Variants in KDM5A observed in about 807,000 individuals in gnomAD.
The protein encoded by KDM5A is lysine-specific demethylase 5A.
KDM5A carries 42 observed loss-of-function variants against 193.5 expected under a neutral mutation model. The observed-to-expected ratio is 0.22, with a 90% confidence interval of 0.17 to 0.28. The LOEUF (loss-of-function observed/expected upper bound fraction) is 0.28, where lower values mean the gene tolerates loss of function less well. KDM5A is among the 10% of genes least tolerant of loss of function. The pLI is 1.00. For missense variants in KDM5A, 1,692 were observed against 2,055.1 expected, an observed-to-expected ratio of 0.82 and a Z score of 3.42; for synonymous variants, 796 against 718.1, an observed-to-expected ratio of 1.11 and a Z score of -1.73.
chr12:304,971 T>TA lies in KDM5A; in HGVS notation c.4074+1974dup, dbSNP rs146313461. Among the ~76,000 whole-genome samples, 1,074 of 152,276 alleles carry TA rather than the reference T, an allele frequency of 7.1e-3. 17 individuals are homozygous for TA. The highest frequency in any genetic ancestry group is 0.025 in the African/African-American group (1,046 of 41,532). On this transcript the variant is annotated intron_variant, in intron 24 of 27. Transcript: ENST00000399788. ...GGTTGCATTTCTTTTCAGCTGCTCT[T>TA]AGTCACCCTATATACAACTTCGTAA... is the stretch of plus-strand genomic sequence containing the variant.
At chr12:364,323 T>C (rs1042260175) in intron 4 of KDM5A, among the ~76,000 whole-genome samples, 1 of 151,634 alleles carries the variant, frequency 6.6e-6, no homozygotes, top group African/African-American at 2.4e-5. Context: ...AATACAAAAA[T>C]TAGCTGGGGG....
At position 292,879 on chromosome 12, in the gene KDM5A, C is replaced by A; in HGVS notation, c.4746G>T (p.Lys1582Asn). Residue 1582 changes from lysine to asparagine, a missense_variant, in exon 27 of 28, where the codon AAG (lysine) becomes AAT (asparagine). Coordinates refer to ENST00000399788, the MANE Select transcript of KDM5A (RefSeq NM_001042603.3). The part of the protein sequence containing the change: ...KVELVKESTE[K>N]KREKKVLDIP... ...TGTCCAGCACCTTTTTCTCTCTTTT[C>A]TTTTCAGTGCTCTCTTTCACAAGTT... 6.2e-7 allele frequency: 1 copy of A among 1,614,198 alleles called. No individual in the cohort carries two copies. The highest frequency in any genetic ancestry group is 8.5e-7 in the Non-Finnish European group (1 of 1,180,022).
At chr12:326,274 T>C (rs926340126) in intron 14 of KDM5A, among the ~76,000 whole-genome samples, 2 of 152,140 alleles carry the variant, frequency 1.3e-5, no homozygotes, top group African/African-American at 4.8e-5. Flanking sequence ...CTGTGTGTAA[T>C]GTAATAGGAG....
rs374119113 is a variant in KDM5A, at chr12:292,795, G to A, written c.4830C>T (p.Cys1610=). The change falls in exon 27 of 28, where the codon TGC becomes TGT. Residue 1610 remains cysteine, a synonymous_variant. Coordinates refer to ENST00000399788, the MANE Select transcript of KDM5A (RefSeq NM_001042603.3). ...AEESDDENAV[C]AAQNCQRPCK... is the part of the protein sequence containing the mutation. ...AGGGCCTTTGGCAGTTCTGTGCTGCGCACACAGCATTCTCATCATCAGACT... is the reference window on the plus strand; with the variant it reads ...AGGGCCTTTGGCAGTTCTGTGCTGCACACACAGCATTCTCATCATCAGACT... The A allele has an allele frequency of 3.0e-5, 48 of 1,614,040 alleles. No individual in the cohort carries two copies. The highest frequency in any genetic ancestry group is 2.0e-4 in the East Asian group (9 of 44,886).
rs1565524504 is a variant in KDM5A, at chr12:295,709, C to G, written c.4319G>C (p.Gly1440Ala). 1 of 1,614,120 alleles carries G rather than the reference C, an allele frequency of 6.2e-7. No individual in the cohort carries two copies. The highest frequency in any genetic ancestry group is 8.5e-7 in the Non-Finnish European group (1 of 1,180,002). The change falls in exon 26 of 28, where the codon GGA becomes GCA. Residue 1440 changes from glycine to alanine, a missense_variant. By Grantham distance (60) the Gly-to-Ala change is moderately conservative. Around this residue, in one of 11 missense-constraint regions of KDM5A, gnomAD observed 965 missense variants for 1,061.0 expected, o/e 0.91. Transcript: ENST00000399788. ...AAGTTCTTCCAGTTGTGCCTTAGCT[C>G]CAGGTGACAACTCCAGCACTGGAGG... ...LEPPVLELSPGAKAQLEELMM... is the reference protein window; with the variant it reads ...LEPPVLELSPAAKAQLEELMM...
chr12:306,698 G>A (rs577481959), intron 24 of KDM5A, among the ~76,000 whole-genome samples: 5 of 150,328 alleles, frequency 3.3e-5, no homozygotes, highest in South Asian at 4.2e-4. Flanking sequence ...AACAGAGATC[G>A]CGCCATTGCA....
intron 10 of KDM5A, among the ~76,000 whole-genome samples, chr12:345,663 AC>A (rs1364208067): frequency 6.6e-6 from 1 of 152,250 alleles, no homozygotes; most frequent in African/African-American, 2.4e-5. Flanking sequence ...CTCCTGAATG[AC>A]TACTGGGTAA....
At position 322,351 on chromosome 12, in the gene KDM5A, A is replaced by C. The variant is rs77928788; in HGVS notation, c.2426+66T>G. On this transcript the variant is annotated intron_variant, in intron 17 of 27. Coordinates refer to ENST00000399788, the MANE Select transcript of KDM5A (RefSeq NM_001042603.3). Reference sequence around the variant, plus strand: ...AATGTACGGCTTCACAGGCCGGATAAAATTTTGGTTTTTACTCTGAAAGAA... The same window carrying C: ...AATGTACGGCTTCACAGGCCGGATACAATTTTGGTTTTTACTCTGAAAGAA... The C allele has an allele frequency of 9.2e-3, 13,964 of 1,511,200 alleles. 710 individuals are homozygous for C. In the African/African-American group the frequency reaches 0.13, roughly 14 times the overall value. The allele number at this position is 1,511,200 out of a possible 1,614,324, so 93.6% of individuals were successfully genotyped here.
chr12:348,818 T>C (rs952072573), intron 10 of KDM5A, among the ~76,000 whole-genome samples: 3 of 151,528 alleles, frequency 2.0e-5, no homozygotes, highest in African/African-American at 7.3e-5. Context: ...GTAAATGAGC[T>C]GATGGGTGCA....
chr12:386,683 T>C (rs751309086), intron 1 of KDM5A, among the ~76,000 whole-genome samples: 17 of 152,112 alleles, frequency 1.1e-4, no homozygotes, highest in Non-Finnish European at 1.6e-4. Context: ...CCTATCTCTA[T>C]AAAAGAAAAA....
intron 4 of KDM5A, among the ~76,000 whole-genome samples, chr12:363,888 T>C (rs1277417105): frequency 6.6e-6 from 1 of 151,972 alleles, no homozygotes; most frequent in Non-Finnish European, 1.5e-5. Flanking sequence ...GTATAACAAA[T>C]TCACAAGTAT....
chr12:371,275 CTGT>C (rs1944424458), intron 3 of KDM5A, among the ~76,000 whole-genome samples: 1 of 152,190 alleles, frequency 6.6e-6, no homozygotes, highest in Admixed American at 6.5e-5. Flanking sequence ...TCTCCAGCAC[CTGT>C]TGTTTCCTGA....
intron 19 of KDM5A, among the ~76,000 whole-genome samples, chr12:313,611 T>C (rs1224888398): frequency 6.6e-6 from 1 of 152,160 alleles, no homozygotes; most frequent in African/African-American, 2.4e-5. Flanking sequence ...GATAGCAATA[T>C]AGAAAACAAT....
At chr12:381,762 C>T (rs1944575689) in intron 3 of KDM5A, among the ~76,000 whole-genome samples, 1 of 152,122 alleles carries the variant, frequency 6.6e-6, no homozygotes, top group South Asian at 2.1e-4. Context: ...AGAATTTTGA[C>T]CTGACACTAA....
At chr12:338,794 G>C (rs1242365237) in intron 10 of KDM5A, among the ~76,000 whole-genome samples, 2 of 152,064 alleles carry the variant, frequency 1.3e-5, no homozygotes, top group East Asian at 3.9e-4. Context: ...GGAACAAGGA[G>C]GACAAGCAGA....
Position 307,673 on chromosome 12 carries a change from G to A in KDM5A, c.3711C>T (p.Pro1237=), listed in dbSNP as rs61750262. 9.9e-6 allele frequency: 16 copies of A among 1,614,020 alleles called. 1 individual carries two copies. The highest frequency in any genetic ancestry group is 1.6e-4 in the Middle Eastern group (1 of 6,084). The change falls in exon 23 of 28, where the codon CCC becomes CCT. Residue 1237 remains proline, a synonymous_variant. Coordinates refer to ENST00000399788, the MANE Select transcript of KDM5A (RefSeq NM_001042603.3). This position sits in a 1 kb window ranked among gnomAD's most constrained non-coding sequence, Gnocchi z 4.3. ...LSLLVSLQKL[P]VRLPEGEALQ... ...GGGCCTCTCCTTCAGGCAACCGTACGGGCAACTTCTGAAGGGATACCAGGA... is the reference window on the plus strand; with the variant it reads ...GGGCCTCTCCTTCAGGCAACCGTACAGGCAACTTCTGAAGGGATACCAGGA...
chr12:361,187 C>T (rs1298067699), intron 5 of KDM5A, among the ~76,000 whole-genome samples: 1 of 150,792 alleles, frequency 6.6e-6, no homozygotes, highest in Non-Finnish European at 1.5e-5. Flanking sequence ...TTCCATGCAG[C>T]ACCCCCCTCC....
At chr12:329,920 T>C (rs1943840609) in intron 13 of KDM5A, among the ~76,000 whole-genome samples, 1 of 152,082 alleles carries the variant, frequency 6.6e-6, no homozygotes, top group Non-Finnish European at 1.5e-5. Context: ...AATGGACCTT[T>C]AAGAGCCTTT....
At chr12:364,351 A>T (rs1265084973) in intron 4 of KDM5A, among the ~76,000 whole-genome samples, 1 of 152,026 alleles carries the variant, frequency 6.6e-6, no homozygotes, top group African/African-American at 2.4e-5. Context: ...ATGCACCTGT[A>T]GTCTCAACTA....
Sources: gnomAD v4.1 joint callset for allele counts (sites outside exome capture counted in the v4.1 genomes callset) on GRCh38, gnomAD v4.1.1 for gene constraint, gnomAD v4.1.1 regional missense constraint, Gnocchi (gnomAD v3.1) non-coding constraint, MANE v1.5 for transcripts, NCBI Gene and HGNC (gene_info 2026-07-23, HGNC 2026-07-21) for gene names.